The following ZNF804B variants were observed in gnomAD, a reference collection of about 807,000 sequenced individuals.
ZNF804B encodes the protein zinc finger 804B.
Under a neutral mutation model 101.4 loss-of-function variants are expected in ZNF804B, and 80 were observed. The observed-to-expected ratio is 0.79, with a 90% confidence interval of 0.66 to 0.95. The LOEUF (loss-of-function observed/expected upper bound fraction) is 0.95, where lower values mean the gene tolerates loss of function less well. Ranked by LOEUF, ZNF804B falls within the 40% of genes least tolerant of loss-of-function variation. The pLI is 0.00. For missense variants in ZNF804B, 1,673 were observed against 1,561.9 expected (o/e 1.07, Z -1.20); for synonymous variants, 622 against 558.8 (o/e 1.11, Z -1.59).
At position 88,873,224 on chromosome 7, in the gene ZNF804B, T is replaced by C. The variant is rs1700232317; in HGVS notation, c.108+113140T>C. On this transcript the variant is annotated intron_variant, in intron 1 of 3. Coordinates refer to ENST00000333190, the MANE Select transcript of ZNF804B (RefSeq NM_181646.5). ...TTTGCATTTCTCTGATGGCCATTGA[T>C]GGTGAGCATTTTTTCATGTGTTTTT... Among the ~76,000 whole-genome samples the C allele has an allele frequency of 2.6e-5, 4 of 152,380 alleles. No individual in the cohort carries two copies. The South Asian group carries it at 6.2e-4, about 24-fold the overall frequency.
At chr7:88,839,508 G>A (rs570366274) in intron 1 of ZNF804B, among the ~76,000 whole-genome samples, 2 of 152,026 alleles carry the variant, frequency 1.3e-5, no homozygotes, top group Non-Finnish European at 2.9e-5. Context: ...AAGGCCAGGC[G>A]AATCATCTCA....
intron 1 of ZNF804B, among the ~76,000 whole-genome samples, chr7:88,817,385 A>G (rs999446361): frequency 6.6e-6 from 1 of 152,152 alleles, no homozygotes; most frequent in Non-Finnish European, 1.5e-5. Flanking sequence ...TATAATAAAA[A>G]AATTAAAAAA....
intron 1 of ZNF804B, among the ~76,000 whole-genome samples, chr7:88,956,693 C>T (rs997815172): frequency 6.6e-6 from 1 of 150,838 alleles, no homozygotes; most frequent in Non-Finnish European, 1.5e-5. Flanking sequence ...GACCAAGGAA[C>T]ACAGAAAAAA....
intron 1 of ZNF804B, among the ~76,000 whole-genome samples, chr7:89,095,084 C>G (rs946783733): frequency 5.3e-5 from 8 of 152,236 alleles, no homozygotes; most frequent in Non-Finnish European, 7.4e-5. Flanking sequence ...CATGTTGAAA[C>G]TTCATCCCCA....
intron 2 of ZNF804B, among the ~76,000 whole-genome samples, chr7:89,286,666 A>G (rs1414116192): frequency 1.3e-5 from 2 of 152,214 alleles, no homozygotes; most frequent in East Asian, 3.8e-4. Flanking sequence ...ATGCTGGACA[A>G]TGAGGAAGAA....
rs1791066820 is a variant in ZNF804B, at chr7:89,335,581, A to G, written c.2599A>G (p.Lys867Glu). The G allele has an allele frequency of 6.2e-7, 1 of 1,613,976 alleles. No individual in the cohort carries two copies. Among genetic ancestry groups the G allele is most frequent in the Non-Finnish European group, 8.5e-7 (1 of 1,179,922 alleles). ...YSIEKMYYLN[K>E]SKRNQESLGS... ...AATAGAGAAAATGTATTACTTGAATAAAAGCAAGAGAAATCAAGAGTCTTT... is the reference window on the plus strand; with the variant it reads ...AATAGAGAAAATGTATTACTTGAATGAAAGCAAGAGAAATCAAGAGTCTTT... The change falls in exon 4 of 4, where the codon AAA becomes GAA. Residue 867 changes from lysine to glutamate, a missense_variant. Physicochemically the swap from Lys to Glu is moderately conservative, Grantham distance 56. Transcript: ENST00000333190.
chr7:89,322,128 C>A (rs1450283921), intron 2 of ZNF804B, among the ~76,000 whole-genome samples: 2 of 152,116 alleles, frequency 1.3e-5, no homozygotes, highest in African/African-American at 4.8e-5. Flanking sequence ...AATTTTATAT[C>A]TTTTCACTAG....
intron 1 of ZNF804B, among the ~76,000 whole-genome samples, chr7:88,800,550 C>CTA (rs1790562175): frequency 6.6e-6 from 1 of 151,978 alleles, no homozygotes; most frequent in Non-Finnish European, 1.5e-5. Flanking sequence ...ATCCCCATGA[C>CTA]TATGTTTAGT....
chr7:89,220,016 TGTATACATATATATAC>T (rs1788967892), intron 2 of ZNF804B, among the ~76,000 whole-genome samples: 2 of 137,120 alleles, frequency 1.5e-5, no homozygotes, highest in African/African-American at 6.0e-5. Context: ...CATATATGTG[TGTATACATATATATAC>T]GCACATATAT....
chr7:88,818,422 T>G (rs982820137), intron 1 of ZNF804B, among the ~76,000 whole-genome samples: 2 of 152,138 alleles, frequency 1.3e-5, no homozygotes, highest in Non-Finnish European at 2.9e-5. Flanking sequence ...TAGAAAAATA[T>G]ATATTAATGA....
At chr7:88,775,064 G>C (rs1468967925) in intron 1 of ZNF804B, among the ~76,000 whole-genome samples, 1 of 152,198 alleles carries the variant, frequency 6.6e-6, no homozygotes, top group Non-Finnish European at 1.5e-5. Flanking sequence ...GTCTGTGTTA[G>C]TGGAGACTAA....
chr7:89,131,122 T>C (rs1294694930), intron 1 of ZNF804B, among the ~76,000 whole-genome samples: 1 of 152,052 alleles, frequency 6.6e-6, no homozygotes, highest in Non-Finnish European at 1.5e-5. Flanking sequence ...TTCATGTATC[T>C]GAGATCTTTG....
intron 1 of ZNF804B, among the ~76,000 whole-genome samples, chr7:89,161,314 T>G (rs987028648): frequency 1.3e-5 from 2 of 151,906 alleles, no homozygotes; most frequent in Non-Finnish European, 2.9e-5. Flanking sequence ...CTAGATTTGG[T>G]GCTAAGCTTT....
At chr7:88,818,985 T>C (rs1337291885) in intron 1 of ZNF804B, among the ~76,000 whole-genome samples, 1 of 152,194 alleles carries the variant, frequency 6.6e-6, no homozygotes, top group Admixed American at 6.5e-5. Context: ...AGGCTCCTCA[T>C]ACAGCTTTCA....
intron 1 of ZNF804B, among the ~76,000 whole-genome samples, chr7:89,188,724 C>T (rs1788411630): frequency 6.6e-6 from 1 of 152,102 alleles, no homozygotes; most frequent in Admixed American, 6.6e-5. Flanking sequence ...AAGAGAAGAT[C>T]AAATCAGTCA....
At position 89,337,405 on chromosome 7, in the gene ZNF804B, T is replaced by C. The variant is rs1791116357; in HGVS notation, c.*373T>C. On this transcript the variant is annotated 3_prime_UTR_variant, in exon 4 of 4. Transcript: ENST00000333190. Reference sequence around the variant, plus strand: ...TGGCACCCTGCGTTCTAAGTATTTGTTGTGTGAATGAATGAGTGTTGATTT... The same window carrying C: ...TGGCACCCTGCGTTCTAAGTATTTGCTGTGTGAATGAATGAGTGTTGATTT... Among the ~76,000 whole-genome samples the C allele has an allele frequency of 6.6e-6, 1 of 152,056 alleles. No individual in the cohort carries two copies. The highest frequency in any genetic ancestry group is 1.5e-5 in the Non-Finnish European group (1 of 67,988).
intron 2 of ZNF804B, among the ~76,000 whole-genome samples, chr7:89,300,433 A>T (rs1038187642): frequency 6.6e-6 from 1 of 151,558 alleles, no homozygotes; most frequent in South Asian, 2.1e-4. Context: ...TCTTCCTGTG[A>T]TGTACTACTG....
chr7:88,793,425 A>T (rs573414177), intron 1 of ZNF804B, among the ~76,000 whole-genome samples: 2 of 152,124 alleles, frequency 1.3e-5, no homozygotes, highest in East Asian at 3.9e-4. Context: ...TGTTTGTAAC[A>T]TAGAGGGATG....
At chr7:88,776,187 C>T (rs1358980339) in intron 1 of ZNF804B, among the ~76,000 whole-genome samples, 1 of 152,144 alleles carries the variant, frequency 6.6e-6, no homozygotes, top group Non-Finnish European at 1.5e-5. Context: ...AGTAAGTGTA[C>T]AATGAAAGGA....
Sources: gnomAD v4.1 joint callset for allele counts (sites outside exome capture counted in the v4.1 genomes callset) on GRCh38, gnomAD v4.1.1 for gene constraint, MANE v1.5 for transcripts, NCBI Gene and HGNC (gene_info 2026-07-23, HGNC 2026-07-21) for gene names.